Variants in DPH6 observed in about 807,000 individuals in gnomAD.
DPH6 encodes diphthamine biosynthesis 6.
In DPH6, 33 loss-of-function variants were observed where a neutral mutation model predicts 38.2. The observed-to-expected ratio is 0.86, with a 90% CI of 0.65 to 1.15. The LOEUF (loss-of-function observed/expected upper bound fraction) is 1.15, where lower values mean the gene tolerates loss of function less well. Ranked by LOEUF, DPH6 falls within the 50% of genes most tolerant of loss-of-function variation. The probability of loss-of-function intolerance (pLI) is 0.00; values close to 1 mark genes in which losing one functional copy is unlikely to be tolerated. For missense variants in DPH6, 325 were observed against 320.0 expected, an observed-to-expected ratio of 1.02 and a Z score of -0.12; for synonymous variants, 108 against 103.0, an observed-to-expected ratio of 1.05 and a Z score of -0.30.
chr15:35,483,525 A>G (rs1468081393), intron 3 of DPH6, among the ~76,000 whole-genome samples: 1 of 152,132 alleles, frequency 6.6e-6, no homozygotes, highest in Non-Finnish European at 1.5e-5. Flanking sequence ...TAAACTCACT[A>G]GAATGTGTAT....
intron 3 of DPH6, among the ~76,000 whole-genome samples, chr15:35,510,347 A>C (rs1250851734): frequency 6.6e-6 from 1 of 152,326 alleles, no homozygotes; most frequent in Non-Finnish European, 1.5e-5. Flanking sequence ...ATCACTATGC[A>C]GGTTCTGACA....
intron 3 of DPH6, among the ~76,000 whole-genome samples, chr15:35,222,094 A>G (rs899056692): frequency 6.6e-6 from 1 of 152,174 alleles, no homozygotes; most frequent in Non-Finnish European, 1.5e-5. Flanking sequence ...TTTACTGTTA[A>G]CATTTCTATC....
intron 3 of DPH6, among the ~76,000 whole-genome samples, chr15:35,476,439 TAAAGA>T (rs1176036645): frequency 2.0e-5 from 3 of 151,882 alleles, no homozygotes; most frequent in East Asian, 1.9e-4. Context: ...AGTAGGTTAT[TAAAGA>T]AATCACTATA....
At chr15:35,332,129 TCATAAA>T (rs2052331101) in intron 3 of DPH6, among the ~76,000 whole-genome samples, 1 of 152,176 alleles carries the variant, frequency 6.6e-6, no homozygotes, top group Non-Finnish European at 1.5e-5. Context: ...ATAAGACTCT[TCATAAA>T]CATAAAGTTT....
intron 3 of DPH6, among the ~76,000 whole-genome samples, chr15:35,269,485 A>ATT (rs1008965829): frequency 3.8e-4 from 57 of 151,614 alleles, no homozygotes; most frequent in African/African-American, 1.3e-3. Flanking sequence ...TTTTATTTTT[A>ATT]TTTTTTTTGA....
chr15:35,391,930 C>T (rs565193689), intron 6 of DPH6, among the ~76,000 whole-genome samples: 20 of 152,330 alleles, frequency 1.3e-4, no homozygotes, highest in East Asian at 3.9e-4. Flanking sequence ...TCTTCTGCGT[C>T]GCTGATGCTG....
intron 3 of DPH6, among the ~76,000 whole-genome samples, chr15:35,351,557 T>C (rs1327023370): frequency 6.6e-6 from 1 of 152,176 alleles, no homozygotes; most frequent in Non-Finnish European, 1.5e-5. Context: ...ATCTTTTGTG[T>C]ATCCACTTTA....
At chr15:35,146,963 C>T in the DPH6 span, among the ~76,000 whole-genome samples, 7 of 152,128 alleles carry the variant, frequency 4.6e-5, no homozygotes, top group African/African-American at 1.7e-4. Flanking sequence ...GACAACACTC[C>T]TGATCTCTTT....
At chr15:35,376,490 T>C (rs577805244) in intron 7 of DPH6, among the ~76,000 whole-genome samples, 3 of 152,236 alleles carry the variant, frequency 2.0e-5, no homozygotes, top group South Asian at 4.1e-4. Flanking sequence ...GCTGTCATAA[T>C]GTTGTAGCAC....
chr15:35,173,291 G>A, the DPH6 span, among the ~76,000 whole-genome samples: 280 of 152,284 alleles, frequency 1.8e-3, no homozygotes, highest in African/African-American at 6.5e-3. Context: ...TCTTACCTTT[G>A]TCTCTTTTGT....
At chr15:35,365,881 C>T, downstream of DPH6, 1 of 985,248 alleles carries the variant, frequency 1.0e-6, no homozygotes, top group Non-Finnish European at 1.2e-6. Flanking sequence ...CCCATTCAAG[C>T]CCCAAGTTGT....
intron 3 of DPH6, chr15:35,237,889 C>CGAG (rs200579531): frequency 2.1e-6 from 3 of 1,438,188 alleles, no homozygotes; most frequent in African/African-American, 1.4e-5. Context: ...TAGTGGAGGA[C>CGAG]GAGGAGGAGG....
chr15:35,252,829 A>G (rs532419294), intron 3 of DPH6, among the ~76,000 whole-genome samples: 48 of 152,366 alleles, frequency 3.2e-4, no homozygotes, highest in African/African-American at 1.0e-3. Context: ...TACTGGTATT[A>G]AGTATAGTTC....
intron 6 of DPH6, among the ~76,000 whole-genome samples, chr15:35,389,897 G>T (rs2053029084): frequency 6.6e-6 from 1 of 152,114 alleles, no homozygotes; most frequent in African/African-American, 2.4e-5. Context: ...ATGTTAGCTG[G>T]TTATTTTGCT....
chr15:35,388,124 G>A (rs2052997644), intron 6 of DPH6, among the ~76,000 whole-genome samples: 1 of 152,162 alleles, frequency 6.6e-6, no homozygotes, highest in Non-Finnish European at 1.5e-5. Context: ...CTTTGGTTCT[G>A]TTTATATGCT....
At chr15:35,545,080 G>A (rs1254139491) in intron 1 of DPH6, among the ~76,000 whole-genome samples, 3 of 152,170 alleles carry the variant, frequency 2.0e-5, no homozygotes, top group African/African-American at 7.2e-5. Context: ...CTCATATCAA[G>A]TCCTTAATAG....
At chr15:35,183,266 T>G in the DPH6 span, among the ~76,000 whole-genome samples, 12 of 151,564 alleles carry the variant, frequency 7.9e-5, no homozygotes, top group Non-Finnish European at 1.6e-4. Flanking sequence ...AGGGAGCAGA[T>G]GTAGTAAAAC....
chr15:35,395,158 A>G (rs896553698), intron 6 of DPH6, among the ~76,000 whole-genome samples: 2 of 151,982 alleles, frequency 1.3e-5, no homozygotes, highest in Admixed American at 1.3e-4. Context: ...TTAATCTTCA[A>G]TTTTTTCTTT....
chr15:35,289,068 T>G (rs1566860508), intron 3 of DPH6, among the ~76,000 whole-genome samples: 1 of 152,194 alleles, frequency 6.6e-6, no homozygotes, highest in South Asian at 2.1e-4. Flanking sequence ...TTCTACTTAT[T>G]TTAAATGAAG....
Sources: allele counts gnomAD v4.1 joint callset (sites outside exome capture counted in the v4.1 genomes callset), GRCh38; gene constraint gnomAD v4.1.1; transcripts MANE v1.5; gene names NCBI Gene and HGNC (gene_info 2026-07-23, HGNC 2026-07-21).